BMPER: variants seen among roughly 807,000 people sequenced by gnomAD.
The protein encoded by BMPER is BMP binding endothelial regulator, also known as BMP-binding endothelial regulator protein.
A neutral mutation model predicts 87.3 loss-of-function variants in BMPER; 45 were observed. The ratio of observed to expected loss-of-function variants is 0.52; its 90% CI spans 0.41 to 0.66. The LOEUF (loss-of-function observed/expected upper bound fraction) is 0.66, where lower values mean the gene tolerates loss of function less well. Ranked by LOEUF, BMPER falls within the 30% of genes least tolerant of loss-of-function variation. BMPER has a pLI of 0.00. For synonymous variants in BMPER, 326 were observed against 316.2 expected (o/e 1.03, Z -0.33); for missense variants, 784 against 867.5 (o/e 0.90, Z 1.21).
At chr7:34,024,613 T>C (rs1403120395) in intron 6 of BMPER, among the ~76,000 whole-genome samples, 1 of 151,162 alleles carries the variant, frequency 6.6e-6, no homozygotes, top group East Asian at 2.0e-4. Flanking sequence ...CTCAATTCTA[T>C]GCATGTACTG....
At chr7:33,996,371 C>T (rs1786412259) in intron 6 of BMPER, among the ~76,000 whole-genome samples, 2 of 152,116 alleles carry the variant, frequency 1.3e-5, no homozygotes, top group South Asian at 4.1e-4. Flanking sequence ...TGGTTACCTG[C>T]TTAAATTCAC....
At chr7:34,070,872 T>C (rs1022774495) in intron 11 of BMPER, among the ~76,000 whole-genome samples, 4 of 149,664 alleles carry the variant, frequency 2.7e-5, no homozygotes, top group African/African-American at 7.4e-5. Context: ...ACAGGCAGGA[T>C]TGATGTTTCA....
intron 1 of BMPER, among the ~76,000 whole-genome samples, chr7:33,906,370 G>A (rs1485806785): frequency 1.3e-5 from 2 of 152,190 alleles, no homozygotes; most frequent in African/African-American, 2.4e-5. Flanking sequence ...AAGACAATGC[G>A]AGACAGATTC....
At chr7:34,079,216 TAGCCTCCGCCTC>T (rs1562729601) in intron 12 of BMPER, 30 bp downstream of exon 12, 1 of 1,612,044 alleles carries the variant, frequency 6.2e-7, no homozygotes, top group Admixed American at 1.7e-5. Flanking sequence ...CCTCTTGCTC[TAGCCTCCGCCTC>T]ACTTACCCGT....
Position 34,156,358 on chromosome 7 carries a change from C to T in BMPER, c.*3085C>T, listed in dbSNP as rs576952270. On this transcript the variant is annotated 3_prime_UTR_variant, in exon 15 of 15. Transcript: ENST00000649409. ...CATTACCCTAATTAAGAAACATAACCTGGTAAGTAGTCAATAAATTTTTCT... is the reference window on the plus strand; with the variant it reads ...CATTACCCTAATTAAGAAACATAACTTGGTAAGTAGTCAATAAATTTTTCT... Among the ~76,000 whole-genome samples the T allele has an allele frequency of 6.6e-6, 1 of 152,298 alleles. No homozygotes were observed. Among genetic ancestry groups the T allele is most frequent in the Non-Finnish European group, 1.5e-5 (1 of 68,022 alleles).
intron 6 of BMPER, among the ~76,000 whole-genome samples, chr7:33,988,484 T>G (rs1786081486): frequency 1.3e-5 from 2 of 152,204 alleles, no homozygotes; most frequent in Admixed American, 1.3e-4. Flanking sequence ...ACAGAAATTT[T>G]CAGAGATTGA....
intron 13 of BMPER, among the ~76,000 whole-genome samples, chr7:34,120,919 A>G (rs1005444382): frequency 6.6e-6 from 1 of 152,124 alleles, no homozygotes; most frequent in Admixed American, 6.5e-5. Flanking sequence ...CAGAATATCA[A>G]GGAATATCAC....
intron 9 of BMPER, among the ~76,000 whole-genome samples, chr7:34,055,683 G>C (rs547785962): frequency 6.6e-6 from 1 of 152,246 alleles, no homozygotes; most frequent in East Asian, 1.9e-4. Flanking sequence ...GAAGCTTTTA[G>C]AAGTTTTTCA....
At chr7:33,916,843 G>T (rs1012802760) in intron 2 of BMPER, among the ~76,000 whole-genome samples, 1 of 151,294 alleles carries the variant, frequency 6.6e-6, no homozygotes, top group Non-Finnish European at 1.5e-5. Context: ...TTATAGTTGG[G>T]GTTGTTAACA....
At chr7:34,140,132 T>C (rs1051082277) in intron 13 of BMPER, among the ~76,000 whole-genome samples, 1 of 152,208 alleles carries the variant, frequency 6.6e-6, no homozygotes, top group Non-Finnish European at 1.5e-5. Flanking sequence ...TTGAGTAAAT[T>C]ACTTAACTTC....
chr7:34,011,120 T>C (rs1043723533), intron 6 of BMPER, among the ~76,000 whole-genome samples: 4 of 151,848 alleles, frequency 2.6e-5, no homozygotes, highest in African/African-American at 9.7e-5. Flanking sequence ...GCCATGATTC[T>C]AGTAAGGCTA....
chr7:33,938,145 A>G (rs10247996), intron 3 of BMPER, among the ~76,000 whole-genome samples: 86,065 of 151,848 alleles, frequency 0.57, 24,974 homozygotes, highest in African/African-American at 0.7. Context: ...TAGATCGTCA[A>G]CTCCCTGGGG....
intron 13 of BMPER, among the ~76,000 whole-genome samples, chr7:34,109,314 T>G (rs1276705015): frequency 6.6e-6 from 1 of 152,218 alleles, no homozygotes; most frequent in African/African-American, 2.4e-5. Flanking sequence ...GGTCAGCTTT[T>G]TTGTCTTTAA....
intron 6 of BMPER, among the ~76,000 whole-genome samples, chr7:33,985,756 G>A (rs988714534): frequency 1.3e-5 from 2 of 150,664 alleles, no homozygotes; most frequent in East Asian, 3.9e-4. Flanking sequence ...AATTGTCTGT[G>A]TTTTTATTTC....
At chr7:33,947,673 G>T (rs1784920984) in intron 3 of BMPER, among the ~76,000 whole-genome samples, 1 of 152,188 alleles carries the variant, frequency 6.6e-6, no homozygotes, top group African/African-American at 2.4e-5. Flanking sequence ...AACATGCATT[G>T]TGAAATTTAA....
chr7:34,081,804 G>T (rs1789056469), intron 12 of BMPER, among the ~76,000 whole-genome samples: 1 of 152,058 alleles, frequency 6.6e-6, no homozygotes, highest in Admixed American at 6.5e-5. Flanking sequence ...TTTCTTTGGT[G>T]TAAAATTTGA....
At chr7:34,017,423 G>A (rs1038364432) in intron 6 of BMPER, among the ~76,000 whole-genome samples, 1 of 151,804 alleles carries the variant, frequency 6.6e-6, no homozygotes, top group African/African-American at 2.4e-5. Flanking sequence ...AAGAGAGCTT[G>A]TGTGGGGAGC....
chr7:33,966,718 C>T (rs143245628), intron 4 of BMPER, among the ~76,000 whole-genome samples, 157 bp downstream of exon 4: 88 of 152,266 alleles, frequency 5.8e-4, no homozygotes, highest in African/African-American at 1.9e-3. Context: ...CTTACTGTGT[C>T]ACCATAACGA....
intron 10 of BMPER, among the ~76,000 whole-genome samples, 159 bp from the exon 11 acceptor site, chr7:34,061,843 A>G (rs1788443294): frequency 6.6e-6 from 1 of 152,128 alleles, no homozygotes; most frequent in Non-Finnish European, 1.5e-5. Flanking sequence ...CTTCATTTTC[A>G]CCATCTTCAT....
Sources: gnomAD v4.1 joint callset for allele counts (sites outside exome capture counted in the v4.1 genomes callset) on GRCh38, gnomAD v4.1.1 for gene constraint, MANE v1.5 for transcripts, NCBI Gene and HGNC (gene_info 2026-07-23, HGNC 2026-07-21) for gene names.